The following SF3B6 variants were observed in gnomAD, a reference collection of about 807,000 sequenced individuals.
SF3B6 encodes splicing factor 3b subunit 6.
In SF3B6, 3 loss-of-function variants were observed where a neutral mutation model predicts 15.9. That is an observed-to-expected ratio of 0.19 (90% CI 0.09 to 0.49). SF3B6 has a LOEUF of 0.49. Ranked by LOEUF, SF3B6 falls within the 20% of genes least tolerant of loss-of-function variation. The pLI is 0.97. For missense variants in SF3B6, 71 were observed against 154.3 expected, an observed-to-expected ratio of 0.46 and a Z score of 2.86; for synonymous variants, 49 against 51.1, an observed-to-expected ratio of 0.96 and a Z score of 0.18.
At chr2:24,072,182 T>C (rs780975245) in intron 2 of SF3B6, among the ~76,000 whole-genome samples, 6 of 152,052 alleles carry the variant, frequency 3.9e-5, no homozygotes, top group Non-Finnish European at 8.8e-5. Context: ...AGAGGGGGTT[T>C]CACCATTTGG....
At position 24,076,278 on chromosome 2, in the gene SF3B6, A is replaced by G. The variant is rs1286511012; in HGVS notation, c.-49T>C. 3.1e-6 allele frequency: 5 copies of G among 1,613,122 alleles called. No individual in the cohort carries two copies. Among genetic ancestry groups the G allele is most frequent in the Non-Finnish European group, 4.2e-6 (5 of 1,179,110 alleles). ...GTAGCAGATACTGAAATTCCTCCGG[A>G]GCTCGCTCGGCTTCGGGGGTTACAC... is the stretch of plus-strand genomic sequence containing the variant. On this transcript the variant is annotated 5_prime_UTR_variant, in exon 1 of 4. Coordinates refer to ENST00000233468, the MANE Select transcript of SF3B6 (RefSeq NM_016047.4).
intron 2 of SF3B6, among the ~76,000 whole-genome samples, chr2:24,072,935 C>T (rs886621008): frequency 6.6e-6 from 1 of 152,162 alleles, no homozygotes; most frequent in Non-Finnish European, 1.5e-5. Flanking sequence ...GACCTAGAGT[C>T]CATGTATCCC....
At chr2:24,069,917 G>A (rs958013920) in intron 2 of SF3B6, among the ~76,000 whole-genome samples, 2 of 152,256 alleles carry the variant, frequency 1.3e-5, no homozygotes, top group East Asian at 1.9e-4. Flanking sequence ...GATCTTATGC[G>A]TACTTCATTT....
chr2:24,070,384 T>C (rs1031217926), intron 2 of SF3B6, among the ~76,000 whole-genome samples: 1 of 152,190 alleles, frequency 6.6e-6, no homozygotes, highest in Non-Finnish European at 1.5e-5. Context: ...CCTCAAGTGA[T>C]CCACCCACCT....
In SF3B6 at chr2:24,076,276, G is replaced by A. The variant is rs749282692; in HGVS notation, c.-47C>T. 3 of 1,613,454 alleles carry A rather than the reference G, an allele frequency of 1.9e-6. No individual in the cohort carries two copies. Among genetic ancestry groups the A allele is most frequent in the East Asian group, 2.2e-5 (1 of 44,882 alleles). Reference sequence around the variant, plus strand: ...CCGTAGCAGATACTGAAATTCCTCCGGAGCTCGCTCGGCTTCGGGGGTTAC... The same window carrying A: ...CCGTAGCAGATACTGAAATTCCTCCAGAGCTCGCTCGGCTTCGGGGGTTAC... On this transcript the variant is annotated 5_prime_UTR_variant, in exon 1 of 4. Coordinates refer to ENST00000233468, the MANE Select transcript of SF3B6 (RefSeq NM_016047.4).
At chr2:24,076,145 C>A (rs35636238) in intron 1 of SF3B6, 55 bp downstream of exon 1, 1 of 1,611,698 alleles carries the variant, frequency 6.2e-7, no homozygotes, top group Admixed American at 1.7e-5. Flanking sequence ...ATCCACGCCG[C>A]TAAGAAAGTC....
intron 3 of SF3B6, 89 bp downstream of exon 3, chr2:24,068,232 G>A (rs937963169): frequency 2.2e-6 from 3 of 1,348,470 alleles, no homozygotes; most frequent in African/African-American, 2.9e-5. Context: ...CAAAATGCTG[G>A]GATTACAGGC....
At chr2:24,076,002 CA>C (rs978366715) in intron 1 of SF3B6, among the ~76,000 whole-genome samples, 197 bp downstream of exon 1, 6 of 151,972 alleles carry the variant, frequency 3.9e-5, no homozygotes, top group African/African-American at 1.5e-4. Context: ...GAGGAACTCT[CA>C]AAAGGGGTGG....
At chr2:24,068,903 G>A (rs1664605333) in intron 2 of SF3B6, among the ~76,000 whole-genome samples, 1 of 152,190 alleles carries the variant, frequency 6.6e-6, no homozygotes, top group Non-Finnish European at 1.5e-5. Flanking sequence ...CTGGAGTGCA[G>A]TGGCACAATC....
intron 2 of SF3B6, among the ~76,000 whole-genome samples, chr2:24,072,914 C>T (rs1301319607): frequency 6.6e-6 from 1 of 152,204 alleles, no homozygotes. Context: ...GTATCTAGAG[C>T]AGGGTTTCTT....
chr2:24,069,227 G>T (rs1461905040), intron 2 of SF3B6, among the ~76,000 whole-genome samples: 2 of 152,248 alleles, frequency 1.3e-5, no homozygotes, highest in South Asian at 4.1e-4. Flanking sequence ...CTTCTGCAAA[G>T]ATGGGAGTGG....
intron 2 of SF3B6, among the ~76,000 whole-genome samples, chr2:24,070,265 G>C (rs560043395): frequency 2.0e-5 from 3 of 152,136 alleles, no homozygotes; most frequent in Non-Finnish European, 4.4e-5. Context: ...TTTTGAGACA[G>C]AGTCAACCAA....
chr2:24,073,326 G>A (rs1367773944), intron 2 of SF3B6, among the ~76,000 whole-genome samples: 1 of 152,184 alleles, frequency 6.6e-6, no homozygotes, highest in Non-Finnish European at 1.5e-5. Context: ...TTTCATATGA[G>A]TTCGGGTGTC....
In SF3B6 at chr2:24,074,117, A is replaced by G. The variant is rs1041768368; in HGVS notation, c.108T>C (p.Tyr36=). The part of the protein sequence containing the change: ...LPYKITAEEM[Y]DIFGKYGPIR... ...TAGGTCCATATTTCCCAAATATATCATACATTTCTTCAGCTGTGATTTTGT... is the reference window on the plus strand; with the variant it reads ...TAGGTCCATATTTCCCAAATATATCGTACATTTCTTCAGCTGTGATTTTGT... The change falls in exon 2 of 4, where the codon TAT becomes TAC. Residue 36 remains tyrosine (Y), a synonymous_variant. Transcript: ENST00000233468. 6.2e-7 allele frequency: 1 copy of G among 1,608,314 alleles called. No individual in the cohort carries two copies. The highest frequency in any genetic ancestry group is 8.5e-7 in the Non-Finnish European group (1 of 1,175,080).
At chr2:24,073,344 A>G (rs2150978680) in intron 2 of SF3B6, among the ~76,000 whole-genome samples, 1 of 152,346 alleles carries the variant, frequency 6.6e-6, no homozygotes, top group African/African-American at 2.4e-5. Context: ...GTCAGAGGCT[A>G]TGGTACTGTG....
At chr2:24,069,452 A>T (rs1350852939) in intron 2 of SF3B6, among the ~76,000 whole-genome samples, 2 of 152,178 alleles carry the variant, frequency 1.3e-5, no homozygotes, top group Non-Finnish European at 2.9e-5. Flanking sequence ...TGGCCATGTG[A>T]CTGTTAGTGG....
chr2:24,067,746 A>C lies in SF3B6; in HGVS notation c.*16T>G, dbSNP rs372001931. ...TCATTCGTGGGATTTAGTCCAAATGAAAATGTAGAAAACATTTATTTTGGT... is the reference window on the plus strand; with the variant it reads ...TCATTCGTGGGATTTAGTCCAAATGCAAATGTAGAAAACATTTATTTTGGT... On this transcript the variant is annotated 3_prime_UTR_variant, in exon 4 of 4. Transcript: ENST00000233468. 8.7e-6 allele frequency: 14 copies of C among 1,601,870 alleles called. No homozygotes were observed. Among genetic ancestry groups the C allele is most frequent in the Non-Finnish European group, 1.2e-5 (14 of 1,171,254 alleles).
chr2:24,074,615 A>G (rs1487424123), intron 1 of SF3B6, among the ~76,000 whole-genome samples: 1 of 152,102 alleles, frequency 6.6e-6, no homozygotes, highest in African/African-American at 2.4e-5. Context: ...ATCCCAGGAG[A>G]TGACCCTGAT....
At chr2:24,071,656 A>C (rs1325790160) in intron 2 of SF3B6, among the ~76,000 whole-genome samples, 1 of 152,208 alleles carries the variant, frequency 6.6e-6, no homozygotes, top group Non-Finnish European at 1.5e-5. Context: ...CAGATAGGGA[A>C]ACAGGGAGCT....
Sources: gnomAD v4.1 joint callset for allele counts (sites outside exome capture counted in the v4.1 genomes callset) on GRCh38, gnomAD v4.1.1 for gene constraint, MANE v1.5 for transcripts, NCBI Gene and HGNC (gene_info 2026-07-23, HGNC 2026-07-21) for gene names.